MCUB: variants seen among roughly 807,000 people sequenced by gnomAD.
MCUB encodes the protein calcium uniporter regulatory subunit MCUb, mitochondrial.
A neutral mutation model predicts 41.4 loss-of-function variants in MCUB; 46 were observed. That is an observed-to-expected ratio of 1.11 (90% CI 0.88 to 1.42). The LOEUF (loss-of-function observed/expected upper bound fraction) is 1.42, where lower values mean the gene tolerates loss of function less well. Among genes scored for constraint, MCUB ranks in the 40% most tolerant of loss-of-function variants. MCUB has a pLI of 0.00. For missense variants in MCUB, 403 were observed against 404.9 expected (o/e 1.00, Z 0.04); for synonymous variants, 148 against 148.2 (o/e 1.00, Z 0.01).
rs145833506 is a variant in MCUB at position 109,563,268 on chromosome 4, T to C, written c.99+2832T>C. Among the ~76,000 whole-genome samples, 371 of 152,340 alleles carry C rather than the reference T, an allele frequency of 2.4e-3. 1 individual carries two copies. Among genetic ancestry groups the C allele is most frequent in the African/African-American group, 8.3e-3 (347 of 41,592 alleles). On this transcript the variant is annotated intron_variant, in intron 1 of 7. Transcript: ENST00000394650. The stretch of plus-strand genomic sequence containing the variant: ...CATTTGAGTCCATACATAAGCTATG[T>C]TTAAAAAATTTTTACATCAAGCACT...
chr4:109,669,490 T>C, intron 4 of MCUB, among the ~76,000 whole-genome samples: 1 of 152,172 alleles, frequency 6.6e-6, no homozygotes, highest in East Asian at 1.9e-4. Flanking sequence ...GATATACGTA[T>C]GTGTAGTTTT....
intron 1 of MCUB, among the ~76,000 whole-genome samples, chr4:109,614,006 C>G (rs902038235): frequency 5.9e-5 from 9 of 152,156 alleles, no homozygotes; most frequent in African/African-American, 2.2e-4. Context: ...CATCTGTATA[C>G]TTTTATCATG....
chr4:109,651,541 CAT>C (rs1214132107), intron 1 of MCUB, among the ~76,000 whole-genome samples: 1 of 152,174 alleles, frequency 6.6e-6, no homozygotes, highest in Non-Finnish European at 1.5e-5. Context: ...AGTATGAAAA[CAT>C]AAATATGTAA....
At chr4:109,628,294 A>G (rs62326057) in intron 1 of MCUB, among the ~76,000 whole-genome samples, 34,591 of 152,210 alleles carry the variant, frequency 0.23, 4,808 homozygotes, top group South Asian at 0.35. Context: ...TGGAGAGGAA[A>G]GAGCGAAGGA....
At chr4:109,571,001 C>T (rs1726901979) in intron 1 of MCUB, among the ~76,000 whole-genome samples, 1 of 152,150 alleles carries the variant, frequency 6.6e-6, no homozygotes, top group Non-Finnish European at 1.5e-5. Context: ...AGGGAAGAAT[C>T]AGAGTCAGTA....
At chr4:109,646,175 C>T (rs1450095069) in intron 1 of MCUB, among the ~76,000 whole-genome samples, 1 of 152,022 alleles carries the variant, frequency 6.6e-6, no homozygotes, top group Non-Finnish European at 1.5e-5. Context: ...TAGCTCAGAC[C>T]TTTCCTGAGG....
intron 1 of MCUB, among the ~76,000 whole-genome samples, chr4:109,565,549 C>T (rs1726751364): frequency 6.6e-6 from 1 of 152,138 alleles, no homozygotes; most frequent in Admixed American, 6.5e-5. Context: ...GAACAGCGAG[C>T]TGGTGTGTGT....
intron 1 of MCUB, among the ~76,000 whole-genome samples, chr4:109,579,438 CG>C (rs1373299208): frequency 6.6e-6 from 1 of 152,032 alleles, no homozygotes; most frequent in South Asian, 2.1e-4. Flanking sequence ...TTAGTAGAGA[CG>C]GGGTTTCAAC....
Position 109,648,506 on chromosome 4 carries a change from G to A in MCUB, c.100-10505G>A, listed in dbSNP as rs1392468796. The A allele has an allele frequency of 5.3e-5, 19 of 357,030 alleles. 1 individual carries two copies. Among genetic ancestry groups the A allele is most frequent in the Middle Eastern group, 4.7e-4 (1 of 2,118 alleles). 22.1% of individuals were successfully genotyped at this position (357,030 alleles called of 1,614,324 possible). A position where few individuals can be genotyped will look rare whatever the true frequency, so the allele number is the denominator to read the frequency against. On this transcript the variant is annotated intron_variant, in intron 1 of 7. Transcript: ENST00000394650. ...CAGTCATTTTGTGGATTAACTACTC[G>A]TCTTGGGCTGTCCAGACCAGAAGAA...
intron 1 of MCUB, among the ~76,000 whole-genome samples, chr4:109,567,204 T>A (rs1182338465): frequency 6.6e-6 from 1 of 151,572 alleles, no homozygotes; most frequent in Non-Finnish European, 1.5e-5. Context: ...TAACTTTTTA[T>A]AATGAATGCA....
intron 1 of MCUB, among the ~76,000 whole-genome samples, chr4:109,585,848 G>A (rs1007842158): frequency 2.0e-5 from 3 of 152,194 alleles, no homozygotes; most frequent in Admixed American, 6.5e-5. Context: ...CCCTTTGTGG[G>A]TAACCTGACC....
At chr4:109,609,367 T>C (rs574472211) in intron 1 of MCUB, among the ~76,000 whole-genome samples, 1 of 152,294 alleles carries the variant, frequency 6.6e-6, no homozygotes, top group Non-Finnish European at 1.5e-5. Context: ...TTTTAGACCA[T>C]ATGTGGTGAC....
At chr4:109,622,082 A>C (rs943374026) in intron 1 of MCUB, among the ~76,000 whole-genome samples, 2 of 152,046 alleles carry the variant, frequency 1.3e-5, no homozygotes, top group Non-Finnish European at 2.9e-5. Context: ...GAGTTTCACC[A>C]TGTTGGCCAG....
chr4:109,584,477 T>C (rs1727257401), intron 1 of MCUB, among the ~76,000 whole-genome samples: 1 of 152,226 alleles, frequency 6.6e-6, no homozygotes, highest in Non-Finnish European at 1.5e-5. Flanking sequence ...ATCTTAGTTA[T>C]TTCTTGCCTT....
At chr4:109,568,349 A>T (rs1726829899) in intron 1 of MCUB, among the ~76,000 whole-genome samples, 1 of 152,198 alleles carries the variant, frequency 6.6e-6, no homozygotes, top group South Asian at 2.1e-4. Context: ...CATAAACTGC[A>T]GTTGAACCAG....
Position 109,685,303 on chromosome 4 carries a change from A to G in MCUB, c.869A>G (p.Lys290Arg), listed in dbSNP as rs1729814014. Residue 290 changes from lysine (K) to arginine (R), a missense_variant, in exon 7 of 8, where the codon AAG becomes AGG. By Grantham distance (26) the Lys-to-Arg change is conservative (BLOSUM62 2). Transcript: ENST00000394650. ...AGGCAATTTCTTCAGTTCTTCCACAAGAAATCAAAGCAACAGCACTTTGAT... is the reference window on the plus strand; with the variant it reads ...AGGCAATTTCTTCAGTTCTTCCACAGGAAATCAAAGCAACAGCACTTTGAT... ...KSRQFLQFFH[K>R]KSKQQHFDVQ... 8 of 1,594,438 alleles carry G rather than the reference A, an allele frequency of 5.0e-6. No individual in the cohort carries two copies. Among genetic ancestry groups the G allele is most frequent in the African/African-American group, 1.3e-5 (1 of 74,674 alleles).
At chr4:109,676,564 A>C (rs1459365517) in intron 4 of MCUB, among the ~76,000 whole-genome samples, 1 of 152,172 alleles carries the variant, frequency 6.6e-6, no homozygotes. Flanking sequence ...CTGCTCTTCC[A>C]AACTCTTCCA....
At position 109,688,618 on chromosome 4, in the gene MCUB, T is replaced by G. The variant is rs1729913657; in HGVS notation, c.*1026T>G. ...AACAAGAATGTGAGTTAGAAAAATG[T>G]AATAAAATATGAATTTCGAATATTT... On this transcript the variant is annotated 3_prime_UTR_variant, in exon 8 of 8. Coordinates refer to ENST00000394650, the MANE Select transcript of MCUB (RefSeq NM_017918.5). 1 of 152,228 alleles carries G rather than the reference T, an allele frequency of 6.6e-6. No homozygotes were observed. The highest frequency in any genetic ancestry group is 2.4e-5 in the African/African-American group (1 of 41,476). The allele number at this position is 152,228 out of a possible 1,614,324, so 9.4% of individuals were successfully genotyped here. A position where few individuals can be genotyped will look rare whatever the true frequency, so the allele number is the denominator to read the frequency against.
chr4:109,684,172 T>C (rs879292067), intron 5 of MCUB, among the ~76,000 whole-genome samples: 18 of 151,834 alleles, frequency 1.2e-4, no homozygotes, highest in East Asian at 1.9e-4. Flanking sequence ...ACGCCATTCT[T>C]CTGCCTCAGC....
Sources: allele counts gnomAD v4.1 joint callset (sites outside exome capture counted in the v4.1 genomes callset), GRCh38; gene constraint gnomAD v4.1.1; transcripts MANE v1.5; gene names NCBI Gene and HGNC (gene_info 2026-07-23, HGNC 2026-07-21).